Variants in CADPS observed in about 807,000 individuals in gnomAD.
The protein encoded by CADPS is calcium dependent secretion activator, also known as calcium-dependent secretion activator 1.
Under a neutral mutation model 167.3 loss-of-function variants are expected in CADPS, and 57 were observed. That is an observed-to-expected ratio of 0.34 (90% confidence interval 0.28 to 0.42). The LOEUF (loss-of-function observed/expected upper bound fraction) is 0.42. CADPS is among the 20% of genes least tolerant of loss of function. The pLI, the probability that CADPS is intolerant of heterozygous loss-of-function variation, is 1.00. For synonymous variants in CADPS, 676 were observed against 635.3 expected (o/e 1.06, Z -0.96); for missense variants, 1,414 against 1,738.1 (o/e 0.81, Z 3.32).
At chr3:62,855,666 A>T (rs947887667) in intron 1 of CADPS, among the ~76,000 whole-genome samples, 1 of 152,126 alleles carries the variant, frequency 6.6e-6, no homozygotes, top group South Asian at 2.1e-4. Flanking sequence ...TAAGTTGTCA[A>T]ATGTCTAGTT....
At chr3:62,837,446 C>A (rs1051158362) in intron 1 of CADPS, among the ~76,000 whole-genome samples, 2 of 152,142 alleles carry the variant, frequency 1.3e-5, no homozygotes, top group Non-Finnish European at 2.9e-5. Context: ...AATAGCCCTA[C>A]GAAAGTCAGT....
chr3:62,558,232 G>A (rs758661266), intron 9 of CADPS, among the ~76,000 whole-genome samples: 1 of 152,210 alleles, frequency 6.6e-6, no homozygotes, highest in Non-Finnish European at 1.5e-5. Context: ...CCACAATGGC[G>A]TGGCTGTTGT....
intron 28 of CADPS, among the ~76,000 whole-genome samples, chr3:62,425,934 C>A (rs1007343783): frequency 6.6e-6 from 1 of 152,180 alleles, no homozygotes; most frequent in Non-Finnish European, 1.5e-5. Context: ...GGGGCACCTT[C>A]TTTGAGGCTT....
intron 3 of CADPS, among the ~76,000 whole-genome samples, chr3:62,714,094 A>C (rs1349167734): frequency 6.6e-6 from 1 of 152,130 alleles, no homozygotes; most frequent in African/African-American, 2.4e-5. Context: ...AGGAGCTGGG[A>C]ACTACAAAAC....
chr3:62,454,972 G>A (rs1429298471), intron 26 of CADPS, among the ~76,000 whole-genome samples: 1 of 152,044 alleles, frequency 6.6e-6, no homozygotes, highest in Non-Finnish European at 1.5e-5. Flanking sequence ...TTGGGCAAGA[G>A]GCAAGGAAAT....
intron 3 of CADPS, among the ~76,000 whole-genome samples, chr3:62,671,273 A>G (rs1208282366): frequency 6.6e-6 from 1 of 151,848 alleles, no homozygotes; most frequent in African/African-American, 2.4e-5. Flanking sequence ...TAGAGGATAC[A>G]GCTGTGTTTT....
intron 3 of CADPS, among the ~76,000 whole-genome samples, 164 bp from the exon 4 acceptor site, chr3:62,662,558 A>T (rs2073504127): frequency 2.0e-5 from 3 of 152,178 alleles, no homozygotes; most frequent in Admixed American, 6.5e-5. Context: ...ATTCCAAGTT[A>T]ATTCTTCTAG....
At position 62,465,671 on chromosome 3, in the gene CADPS, A is replaced by G. The variant is rs2059865547; in HGVS notation, c.3553-221T>C. ...TTCATTATTATGTGATTGCAAATAT[A>G]GAGTGTTACAGAAGTGCAAAGTGAC... is the stretch of plus-strand genomic sequence containing the variant. On this transcript the variant is annotated intron_variant, in intron 25 of 29. Coordinates refer to ENST00000383710, the MANE Select transcript of CADPS (RefSeq NM_003716.4). This position sits in a 1 kb window ranked among gnomAD's most constrained non-coding sequence, Gnocchi z 4.1. 6.6e-6 allele frequency among the ~76,000 whole-genome samples: 1 copy of G among 152,236 alleles called. No homozygotes were observed. Among genetic ancestry groups the G allele is most frequent in the Non-Finnish European group, 1.5e-5 (1 of 68,040 alleles).
chr3:62,672,941 T>C (rs373940186), intron 3 of CADPS, among the ~76,000 whole-genome samples: 4 of 152,144 alleles, frequency 2.6e-5, no homozygotes, highest in African/African-American at 9.7e-5. Flanking sequence ...TGGTTAACAG[T>C]AAATCATTAA....
chr3:62,731,862 A>G (rs929720161), intron 3 of CADPS, among the ~76,000 whole-genome samples: 1 of 150,536 alleles, frequency 6.6e-6, no homozygotes, highest in Non-Finnish European at 1.5e-5. Context: ...GAAAGGAAAG[A>G]AAGGGTAATT....
At chr3:62,686,193 G>GCAAA (rs201907659) in intron 3 of CADPS, among the ~76,000 whole-genome samples, 1 of 152,006 alleles carries the variant, frequency 6.6e-6, no homozygotes. Context: ...ATTCCAGTGA[G>GCAAA]CAAACAAACA....
intron 1 of CADPS, among the ~76,000 whole-genome samples, chr3:62,784,357 T>C (rs763998303): frequency 3.3e-5 from 5 of 152,192 alleles, no homozygotes; most frequent in Admixed American, 1.3e-4. Flanking sequence ...GCATACCATA[T>C]GAATTGCATC....
chr3:62,430,540 T>G (rs1319583667), intron 28 of CADPS, among the ~76,000 whole-genome samples: 1 of 152,086 alleles, frequency 6.6e-6, no homozygotes, highest in Non-Finnish European at 1.5e-5. Context: ...TGTTTTTTAA[T>G]TTTAGCTTGG....
intron 1 of CADPS, among the ~76,000 whole-genome samples, chr3:62,772,289 T>C (rs2089068794): frequency 1.3e-5 from 2 of 152,202 alleles, no homozygotes; most frequent in Non-Finnish European, 2.9e-5. Flanking sequence ...CCTTCTAGTT[T>C]AGAGGCTGGA....
chr3:62,521,214 G>A (rs1272985424), intron 13 of CADPS, among the ~76,000 whole-genome samples: 2 of 152,136 alleles, frequency 1.3e-5, no homozygotes, highest in African/African-American at 4.8e-5. Context: ...AAGTGCCACT[G>A]TTCTAGAGAA....
At chr3:62,423,116 T>A (rs1047826003) in intron 28 of CADPS, among the ~76,000 whole-genome samples, 1 of 152,304 alleles carries the variant, frequency 6.6e-6, no homozygotes, top group South Asian at 2.1e-4. Context: ...TATGCAAGAT[T>A]CCCTACTGCG....
At chr3:62,736,768 C>T (rs1378736338) in intron 3 of CADPS, among the ~76,000 whole-genome samples, 2 of 152,134 alleles carry the variant, frequency 1.3e-5, no homozygotes, top group African/African-American at 4.8e-5. Context: ...CTATATCCTG[C>T]ATACATGTAC....
intron 24 of CADPS, among the ~76,000 whole-genome samples, chr3:62,472,957 G>A (rs1203252970): frequency 1.3e-5 from 2 of 152,144 alleles, no homozygotes; most frequent in Admixed American, 6.5e-5. Flanking sequence ...GCATCGCCAC[G>A]GAACTTGTCA....
intron 1 of CADPS, among the ~76,000 whole-genome samples, chr3:62,797,748 G>A (rs2093522663): frequency 6.6e-6 from 1 of 151,980 alleles, no homozygotes; most frequent in African/African-American, 2.4e-5. Context: ...AAAATAATCT[G>A]TGTAACTGAC....
Sources: gnomAD v4.1 joint callset for allele counts (sites outside exome capture counted in the v4.1 genomes callset) on GRCh38, gnomAD v4.1.1 for gene constraint, Gnocchi (gnomAD v3.1) non-coding constraint, MANE v1.5 for transcripts, NCBI Gene and HGNC (gene_info 2026-07-23, HGNC 2026-07-21) for gene names.